Variants in GRM8 observed in about 807,000 individuals in gnomAD.
The protein encoded by GRM8 is metabotropic glutamate receptor 8.
GRM8 carries 47 observed loss-of-function variants against 87.2 expected under a neutral mutation model. The observed-to-expected ratio is 0.54, with a 90% confidence interval of 0.43 to 0.69. The LOEUF is 0.69. GRM8 is among the 30% of genes least tolerant of loss of function. GRM8 has a pLI of 0.00. For missense variants in GRM8, 1,019 were observed against 1,139.2 expected (o/e 0.89, Z 1.52); for synonymous variants, 396 against 404.5 (o/e 0.98, Z 0.25).
At chr7:126,583,511 C>T (rs1285321515) in intron 8 of GRM8, among the ~76,000 whole-genome samples, 1 of 152,000 alleles carries the variant, frequency 6.6e-6, no homozygotes, top group Non-Finnish European at 1.5e-5. Context: ...TTCTAGATGC[C>T]ATTGAGAACA....
At chr7:126,493,513 A>T (rs758105963) in intron 9 of GRM8, among the ~76,000 whole-genome samples, 1 of 152,046 alleles carries the variant, frequency 6.6e-6, no homozygotes, top group Non-Finnish European at 1.5e-5. Flanking sequence ...ACAGATTTTA[A>T]CACAAGATGG....
At chr7:126,845,573 T>G (rs984717154) in intron 6 of GRM8, among the ~76,000 whole-genome samples, 3 of 152,112 alleles carry the variant, frequency 2.0e-5, no homozygotes, top group African/African-American at 7.2e-5. Context: ...AAATAAAGCT[T>G]AAAGAAAAAT....
chr7:126,471,372 G>T (rs753138273), intron 9 of GRM8, among the ~76,000 whole-genome samples: 1 of 152,130 alleles, frequency 6.6e-6, no homozygotes, highest in Non-Finnish European at 1.5e-5. Flanking sequence ...TGTGTATAAG[G>T]TGTAAGGAAG....
intron 2 of GRM8, among the ~76,000 whole-genome samples, chr7:127,115,044 G>A (rs1826619767): frequency 6.6e-6 from 1 of 152,128 alleles, no homozygotes; most frequent in Admixed American, 6.5e-5. Context: ...GCCACCTTGA[G>A]GGGTGCAGTA....
chr7:126,986,830 C>T (rs919482771), intron 3 of GRM8, among the ~76,000 whole-genome samples: 6 of 152,124 alleles, frequency 3.9e-5, no homozygotes, highest in African/African-American at 1.4e-4. Flanking sequence ...TGTTTAAGTG[C>T]TTCTATATTT....
intron 5 of GRM8, among the ~76,000 whole-genome samples, chr7:126,903,666 T>TATGTGTATATATATAG (rs1802355032): frequency 3.4e-5 from 4 of 119,168 alleles, no homozygotes; most frequent in African/African-American, 6.0e-5. Flanking sequence ...TATATATATA[T>TATGTGTATATATATAG]GTATATGTGT....
At chr7:126,480,323 G>C (rs535389527) in intron 9 of GRM8, among the ~76,000 whole-genome samples, 2 of 152,126 alleles carry the variant, frequency 1.3e-5, no homozygotes, top group African/African-American at 4.8e-5. Context: ...GGCAGAGGTT[G>C]AGGTGAACTG....
chr7:126,724,776 T>C (rs574088043), intron 7 of GRM8, among the ~76,000 whole-genome samples: 2 of 149,590 alleles, frequency 1.3e-5, no homozygotes, highest in African/African-American at 4.9e-5. Flanking sequence ...AAAAAAAAAT[T>C]GGGGGGCTTT....
chr7:126,784,241 T>C (rs1820389850), intron 6 of GRM8, among the ~76,000 whole-genome samples: 1 of 152,204 alleles, frequency 6.6e-6, no homozygotes, highest in Non-Finnish European at 1.5e-5. Context: ...TCTCTCATTA[T>C]TACCCTTGTG....
At chr7:126,920,518 C>G (rs544707707) in intron 3 of GRM8, among the ~76,000 whole-genome samples, 2 of 152,178 alleles carry the variant, frequency 1.3e-5, no homozygotes, top group East Asian at 3.9e-4. Flanking sequence ...GGGGATGAGG[C>G]CAACAGAAAC....
At chr7:126,734,486 T>G (rs1813971977) in intron 7 of GRM8, among the ~76,000 whole-genome samples, 1 of 151,196 alleles carries the variant, frequency 6.6e-6, no homozygotes, top group Non-Finnish European at 1.5e-5. Context: ...TAGTAATATA[T>G]TCTTAATATT....
intron 6 of GRM8, among the ~76,000 whole-genome samples, chr7:126,890,603 C>A (rs1050761507): frequency 2.2e-4 from 34 of 152,128 alleles, no homozygotes; most frequent in African/African-American, 7.2e-4. Context: ...CCTCCCACCC[C>A]CTGAGAGAGA....
At chr7:126,470,639 T>C (rs1410795637) in intron 9 of GRM8, among the ~76,000 whole-genome samples, 1 of 152,090 alleles carries the variant, frequency 6.6e-6, no homozygotes, top group Non-Finnish European at 1.5e-5. Context: ...TGAACAGTGC[T>C]GCAATAAACA....
At chr7:127,245,952 T>C (rs1798566031) in intron 1 of GRM8, among the ~76,000 whole-genome samples, 3 of 152,148 alleles carry the variant, frequency 2.0e-5, no homozygotes, top group Admixed American at 6.5e-5. Context: ...TAACTTAGTC[T>C]GTAATTCATT....
At chr7:126,568,650 CA>C (rs1794444576) in intron 8 of GRM8, among the ~76,000 whole-genome samples, 1 of 152,076 alleles carries the variant, frequency 6.6e-6, no homozygotes. Context: ...AAAAGTACTA[CA>C]AAAATTTATG....
chr7:126,768,926 G>GCAAAAAAAAAAAA (rs1554485592), intron 7 of GRM8, among the ~76,000 whole-genome samples: 65 of 70,912 alleles, frequency 9.2e-4, no homozygotes, highest in Admixed American at 2.1e-3. Context: ...AAGGAAAAAT[G>GCAAAAAAAAAAAA]CAAAAAAAAA....
At chr7:126,713,385 G>T (rs957639945) in intron 7 of GRM8, among the ~76,000 whole-genome samples, 5 of 152,112 alleles carry the variant, frequency 3.3e-5, no homozygotes, top group Non-Finnish European at 5.9e-5. Context: ...TCATAAGTGG[G>T]AGTTGAGCAG....
chr7:126,839,122 A>C (rs530890410), intron 6 of GRM8, among the ~76,000 whole-genome samples: 1 of 152,274 alleles, frequency 6.6e-6, no homozygotes, highest in South Asian at 2.1e-4. Flanking sequence ...TTTGGCCGGG[A>C]ACTATACCAG....
At chr7:126,972,514 AGC>A (rs1563368223) in intron 3 of GRM8, among the ~76,000 whole-genome samples, 2 of 151,952 alleles carry the variant, frequency 1.3e-5, no homozygotes, top group Non-Finnish European at 2.9e-5. Flanking sequence ...TTTTTAACTA[AGC>A]AAGCAGGTTC....
Sources: allele counts gnomAD v4.1 joint callset (sites outside exome capture counted in the v4.1 genomes callset), GRCh38; gene constraint gnomAD v4.1.1; transcripts MANE v1.5; gene names NCBI Gene and HGNC (gene_info 2026-07-23, HGNC 2026-07-21).